Variants in JARID2 observed in about 807,000 individuals in gnomAD.
The protein encoded by JARID2 is jumonji and AT-rich interaction domain containing 2.
JARID2 carries 21 observed loss-of-function variants against 125.6 expected under a neutral mutation model. That is an observed-to-expected ratio of 0.17 (90% CI 0.12 to 0.24). The LOEUF is 0.24. Among genes scored for constraint, JARID2 ranks in the 10% least tolerant of loss-of-function variants. The pLI, the probability that JARID2 is intolerant of heterozygous loss-of-function variation, is 1.00. For missense variants in JARID2, 1,303 were observed against 1,639.6 expected (o/e 0.79, Z 3.55); for synonymous variants, 736 against 661.6 (o/e 1.11, Z -1.73).
chr6:15,448,034 C>T (rs1255416861), intron 3 of JARID2, among the ~76,000 whole-genome samples: 2 of 152,138 alleles, frequency 1.3e-5, no homozygotes, highest in African/African-American at 2.4e-5. Context: ...GCTCTTAATC[C>T]CCACGGGACT....
chr6:15,325,318 T>C (rs1045921052), intron 1 of JARID2, among the ~76,000 whole-genome samples: 2 of 152,228 alleles, frequency 1.3e-5, no homozygotes, highest in African/African-American at 4.8e-5. Flanking sequence ...CAGCTTAGCC[T>C]CACTCTCCGT....
intron 1 of JARID2, among the ~76,000 whole-genome samples, chr6:15,256,042 G>T (rs1490627962): frequency 6.6e-6 from 1 of 152,164 alleles, no homozygotes; most frequent in Non-Finnish European, 1.5e-5. Context: ...CTTATTTCAT[G>T]CACTTCACAG....
chr6:15,332,865 A>T (rs1762753095), intron 1 of JARID2, among the ~76,000 whole-genome samples: 1 of 151,348 alleles, frequency 6.6e-6, no homozygotes, highest in Non-Finnish European at 1.5e-5. Flanking sequence ...TGTTATTTTT[A>T]AAAGAATAAC....
intron 4 of JARID2, among the ~76,000 whole-genome samples, chr6:15,454,394 C>T (rs1026491879): frequency 2.0e-5 from 3 of 152,154 alleles, no homozygotes; most frequent in Non-Finnish European, 2.9e-5. Flanking sequence ...TAGCCCTTGT[C>T]GGTTGTTGAG....
At chr6:15,476,757 G>A (rs1769359562) in intron 5 of JARID2, among the ~76,000 whole-genome samples, 1 of 152,178 alleles carries the variant, frequency 6.6e-6, no homozygotes, top group South Asian at 2.1e-4. Context: ...TAAAAATGGA[G>A]CCCTTAGGTA....
At chr6:15,501,517 G>A in intron 8 of JARID2, 108 bp downstream of exon 8, 1 of 1,066,674 alleles carries the variant, frequency 9.4e-7, no homozygotes, top group Non-Finnish European at 1.3e-6. Flanking sequence ...GATTCCCTGG[G>A]GTGATGAGGG....
intron 1 of JARID2, among the ~76,000 whole-genome samples, chr6:15,325,872 TGTTGACTCCC>T (rs1762518144): frequency 6.6e-6 from 1 of 152,194 alleles, no homozygotes; most frequent in African/African-American, 2.4e-5. Context: ...ATGAGAACTG[TGTTGACTCCC>T]GTTAAGCCAG....
At chr6:15,313,103 C>T (rs1466031969) in intron 1 of JARID2, among the ~76,000 whole-genome samples, 1 of 152,156 alleles carries the variant, frequency 6.6e-6, no homozygotes, top group Non-Finnish European at 1.5e-5. Context: ...GAATTCAGTG[C>T]TGTTAATGGA....
chr6:15,430,720 T>TG (rs1766932613), intron 3 of JARID2, among the ~76,000 whole-genome samples: 1 of 152,128 alleles, frequency 6.6e-6, no homozygotes, highest in African/African-American at 2.4e-5. Flanking sequence ...GTGGGACTTG[T>TG]GGGGCATGCT....
At chr6:15,323,705 C>T (rs533103967) in intron 1 of JARID2, among the ~76,000 whole-genome samples, 11 of 152,232 alleles carry the variant, frequency 7.2e-5, no homozygotes, top group East Asian at 5.8e-4. Context: ...GCAGGCAGAT[C>T]GCAACATGGT....
intron 2 of JARID2, among the ~76,000 whole-genome samples, chr6:15,400,526 C>A (rs1005462456): frequency 1.2e-4 from 18 of 152,126 alleles, no homozygotes; most frequent in Non-Finnish European, 2.2e-4. Flanking sequence ...CGGCTGGGGA[C>A]ACAAAAGTGT....
At chr6:15,417,227 G>A (rs1228955160) in intron 3 of JARID2, among the ~76,000 whole-genome samples, 1 of 152,150 alleles carries the variant, frequency 6.6e-6, no homozygotes, top group Non-Finnish European at 1.5e-5. Context: ...CTGTGGTGCA[G>A]CATAAGAGTA....
Position 15,300,508 on chromosome 6 carries a change from C to T in JARID2, c.45+53924C>T, listed in dbSNP as rs560563723. ...CTCATTCAGAGTAATAAACTGTACC[C>T]GTAATTCATGAGCTTGCAAGGCCTT... On this transcript the variant is annotated intron_variant, in intron 1 of 17. Coordinates refer to ENST00000341776, the MANE Select transcript of JARID2 (RefSeq NM_004973.4). Among the ~76,000 whole-genome samples the T allele has an allele frequency of 7.9e-5, 12 of 152,174 alleles. No homozygotes were observed. The South Asian group carries it at 1.5e-3, about 18-fold the overall frequency.
intron 14 of JARID2, 151 bp from the exon 15 acceptor site, chr6:15,512,764 A>C: frequency 3.6e-6 from 3 of 840,964 alleles, no homozygotes; most frequent in Non-Finnish European, 5.6e-6. Flanking sequence ...TGCCTTTCTC[A>C]CAGGGAGGCA....
chr6:15,255,105 T>A (rs1472976024), intron 1 of JARID2, among the ~76,000 whole-genome samples: 3 of 149,114 alleles, frequency 2.0e-5, no homozygotes, highest in Admixed American at 2.0e-4. Context: ...CCAGTAAGAG[T>A]CTTCCGTCAT....
chr6:15,335,282 TAG>T (rs1453410296), intron 1 of JARID2, among the ~76,000 whole-genome samples: 1 of 152,104 alleles, frequency 6.6e-6, no homozygotes, highest in Non-Finnish European at 1.5e-5. Context: ...GTATTTTTAG[TAG>T]AGACAGGGTT....
chr6:15,449,602 A>G (rs974977819), intron 3 of JARID2, among the ~76,000 whole-genome samples: 1 of 152,040 alleles, frequency 6.6e-6, no homozygotes, highest in Non-Finnish European at 1.5e-5. Flanking sequence ...CAGGAATTTG[A>G]GGCTGTAGTG....
intron 3 of JARID2, among the ~76,000 whole-genome samples, chr6:15,449,103 C>T (rs578149194): frequency 6.6e-6 from 1 of 152,246 alleles, no homozygotes; most frequent in East Asian, 1.9e-4. Flanking sequence ...AACTGCCCCC[C>T]ACTTCATTGT....
chr6:15,360,422 A>G (rs1354678275), intron 1 of JARID2, among the ~76,000 whole-genome samples: 2 of 151,984 alleles, frequency 1.3e-5, no homozygotes, highest in African/African-American at 4.8e-5. Flanking sequence ...TGACCTCGTG[A>G]TCTGCCCGCC....
Sources: gnomAD v4.1 joint callset for allele counts (sites outside exome capture counted in the v4.1 genomes callset) on GRCh38, gnomAD v4.1.1 for gene constraint, MANE v1.5 for transcripts, NCBI Gene and HGNC (gene_info 2026-07-23, HGNC 2026-07-21) for gene names.